The following ANXA6 variants were observed in gnomAD, a reference collection of about 807,000 sequenced individuals.
ANXA6 encodes 67 kDa calelectrin.
A neutral mutation model predicts 95.4 loss-of-function variants in ANXA6; 71 were observed. The observed-to-expected ratio is 0.74, with a 90% CI of 0.61 to 0.91. The LOEUF (loss-of-function observed/expected upper bound fraction) is 0.91, where lower values mean the gene tolerates loss of function less well. Ranked by LOEUF, ANXA6 falls within the 40% of genes least tolerant of loss-of-function variation. The probability of loss-of-function intolerance (pLI) is 0.00; values close to 1 mark genes in which losing one functional copy is unlikely to be tolerated. For synonymous variants in ANXA6, 289 were observed against 315.9 expected (o/e 0.91, Z 0.90); for missense variants, 830 against 876.4 (o/e 0.95, Z 0.67).
chr5:151,107,833 G>A (rs565877674), intron 23 of ANXA6, among the ~76,000 whole-genome samples: 1 of 152,296 alleles, frequency 6.6e-6, no homozygotes, highest in East Asian at 1.9e-4. Flanking sequence ...GCCAGGTACT[G>A]AGAGGAGACG....
chr5:151,150,284 T>A (rs1279314488), intron 1 of ANXA6, among the ~76,000 whole-genome samples: 2 of 152,182 alleles, frequency 1.3e-5, no homozygotes, highest in Admixed American at 1.3e-4. Flanking sequence ...ATCTTAGCCA[T>A]GTGACCGTGG....
chr5:151,140,577 AATATATATATATAT>A (rs61352316), intron 2 of ANXA6: 3,286 of 143,878 alleles, frequency 0.023, 182 homozygotes, highest in African/African-American at 0.086. Flanking sequence ...GCAAGAGTCA[AATATATATATATAT>A]ATATATATAT....
At chr5:151,101,842 G>T (rs963923027) in intron 25 of ANXA6, among the ~76,000 whole-genome samples, 1 of 152,034 alleles carries the variant, frequency 6.6e-6, no homozygotes, top group African/African-American at 2.4e-5. Context: ...ACATGCCCCT[G>T]TGCACCCCCA....
At chr5:151,108,216 C>G (rs2113895603) in intron 23 of ANXA6, among the ~76,000 whole-genome samples, 2 of 152,120 alleles carry the variant, frequency 1.3e-5, no homozygotes, top group Admixed American at 1.3e-4. Flanking sequence ...CCTCCCCTGC[C>G]TGCCCCAGTC....
intron 11 of ANXA6, 87 bp downstream of exon 11, chr5:151,131,144 C>T: frequency 7.0e-7 from 1 of 1,436,678 alleles, no homozygotes; most frequent in Non-Finnish European, 9.8e-7. Flanking sequence ...CTGAAGGGCT[C>T]TCTTTGGCCA....
In ANXA6 at chr5:151,131,294, G is replaced by A. The variant is rs1234521271; in HGVS notation, c.737-5C>T. 2 of 1,613,844 alleles carry A rather than the reference G, an allele frequency of 1.2e-6. No homozygotes were observed. Among genetic ancestry groups the A allele is most frequent in the East Asian group, 2.2e-5 (1 of 44,878 alleles). ...GGGTGCTCCGGATACACTTCACTGT[G>A]AAGAGGGAGGAAGAGGTAGAGTTAT... On this transcript the variant is annotated splice_polypyrimidine_tract_variant and splice_region_variant and intron_variant, in intron 10 of 25. Coordinates refer to ENST00000354546, the MANE Select transcript of ANXA6 (RefSeq NM_001155.5).
chr5:151,132,616 C>A (rs1455394992), intron 9 of ANXA6, 45 bp from the exon 10 acceptor site: 9 of 1,521,664 alleles, frequency 5.9e-6, no homozygotes, highest in South Asian at 1.2e-5. Context: ...TGCCTCTGTA[C>A]CCCCGAGAAG....
intron 8 of ANXA6, among the ~76,000 whole-genome samples, chr5:151,133,935 C>T (rs1407663262): frequency 6.6e-6 from 1 of 152,216 alleles, no homozygotes; most frequent in Non-Finnish European, 1.5e-5. Flanking sequence ...CACACTATTG[C>T]ATGAGCTCCT....
chr5:151,118,799 C>G (rs927238434), intron 18 of ANXA6, among the ~76,000 whole-genome samples: 2 of 152,256 alleles, frequency 1.3e-5, no homozygotes, highest in Non-Finnish European at 2.9e-5. Flanking sequence ...AAGTCCTGGG[C>G]TCAAGCAATC....
chr5:151,141,495 A>C, intron 2 of ANXA6: 1 of 985,314 alleles, frequency 1.0e-6, no homozygotes, highest in Non-Finnish European at 1.2e-6. Flanking sequence ...AAAGAATCCA[A>C]AAAAGAGGGA....
At chr5:151,117,414 G>A (rs534069394) in intron 19 of ANXA6, among the ~76,000 whole-genome samples, 1 of 152,216 alleles carries the variant, frequency 6.6e-6, no homozygotes, top group Non-Finnish European at 1.5e-5. Flanking sequence ...CTGTCAATGA[G>A]GGTCTGCCAT....
At chr5:151,132,807 C>A (rs1765554461) in intron 9 of ANXA6, among the ~76,000 whole-genome samples, 1 of 151,912 alleles carries the variant, frequency 6.6e-6, no homozygotes, top group African/African-American at 2.4e-5. Flanking sequence ...AGGACTGGCA[C>A]TGAGATGGAA....
intron 20 of ANXA6, 134 bp from the exon 21 acceptor site, chr5:151,110,778 G>T: frequency 1.1e-6 from 1 of 885,174 alleles, no homozygotes; most frequent in South Asian, 1.5e-5. Flanking sequence ...CAAGAGACCT[G>T]AGAGAACCCG....
intron 20 of ANXA6, among the ~76,000 whole-genome samples, chr5:151,113,965 A>G (rs1764923588): frequency 1.3e-5 from 2 of 152,262 alleles, no homozygotes; most frequent in Admixed American, 1.3e-4. Context: ...ATGACCCGTG[A>G]AAACACTGTT....
rs770073573 is a variant in ANXA6, at chr5:151,133,082, T to C, written c.640+12A>G. The C allele has an allele frequency of 1.7e-5, 27 of 1,576,084 alleles. No homozygotes were observed. Among genetic ancestry groups the C allele is most frequent in the Non-Finnish European group, 2.0e-5 (23 of 1,157,840 alleles). ...CCCAAGGGAGCAGCTTCAGGTCTTC[T>C]CTGGAGCTTACCCAACCGAAGATGC... On this transcript the variant is annotated intron_variant, in intron 9 of 25. Transcript: ENST00000354546.
intron 2 of ANXA6, among the ~76,000 whole-genome samples, chr5:151,141,003 C>G (rs1281294087): frequency 6.6e-6 from 1 of 152,252 alleles, no homozygotes. Flanking sequence ...AATGCCAAGA[C>G]AAGGCACTGC....
At chr5:151,142,052 G>T (rs1248345803) in intron 2 of ANXA6, among the ~76,000 whole-genome samples, 3 of 152,232 alleles carry the variant, frequency 2.0e-5, no homozygotes, top group Non-Finnish European at 4.4e-5. Context: ...TGAATAAAAT[G>T]AACAAGAACA....
At chr5:151,143,085 G>A (rs1383407554) in intron 2 of ANXA6, among the ~76,000 whole-genome samples, 2 of 152,222 alleles carry the variant, frequency 1.3e-5, no homozygotes, top group African/African-American at 4.8e-5. Flanking sequence ...AACTAAATGA[G>A]GAAGGTAGGT....
At chr5:151,119,575 C>A (rs1448375424) in intron 17 of ANXA6, among the ~76,000 whole-genome samples, 185 bp from the exon 18 acceptor site, 1 of 152,216 alleles carries the variant, frequency 6.6e-6, no homozygotes, top group Non-Finnish European at 1.5e-5. Flanking sequence ...TCAAGATCCC[C>A]AGAACCTCCC....
Sources: allele counts gnomAD v4.1 joint callset (sites outside exome capture counted in the v4.1 genomes callset), GRCh38; gene constraint gnomAD v4.1.1; transcripts MANE v1.5; gene names NCBI Gene and HGNC (gene_info 2026-07-23, HGNC 2026-07-21).